The following KIF26B variants were observed in gnomAD, a reference collection of about 807,000 sequenced individuals.
The protein encoded by KIF26B is kinesin-like protein KIF26B.
A neutral mutation model predicts 151.2 loss-of-function variants in KIF26B; 63 were observed. That is an observed-to-expected ratio of 0.42 (90% confidence interval 0.34 to 0.51). KIF26B has a LOEUF of 0.51. Among genes scored for constraint, KIF26B ranks in the 20% least tolerant of loss-of-function variants. The pLI, the probability that KIF26B is intolerant of heterozygous loss-of-function variation, is 0.07. For synonymous variants in KIF26B, 1,357 were observed against 1,262.1 expected, an observed-to-expected ratio of 1.08 and a Z score of -1.59; for missense variants, 2,813 against 2,913.6, an observed-to-expected ratio of 0.97 and a Z score of 0.79.
chr1:245,190,046 C>T (rs1183433279), intron 2 of KIF26B, among the ~76,000 whole-genome samples: 4 of 150,914 alleles, frequency 2.7e-5, no homozygotes, highest in Admixed American at 2.6e-4. Flanking sequence ...TCCCACAACA[C>T]GTGGGAATTA....
intron 5 of KIF26B, among the ~76,000 whole-genome samples, chr1:245,577,215 C>T (rs994854084): frequency 2.0e-5 from 3 of 152,138 alleles, no homozygotes; most frequent in African/African-American, 7.2e-5. Flanking sequence ...ATGTTTGTGT[C>T]GTAGGGGGAT....
Position 245,278,258 on chromosome 1 carries a change from T to G in KIF26B, c.466-88576T>G, listed in dbSNP as rs12030450. Among the ~76,000 whole-genome samples, 385 of 152,296 alleles carry G rather than the reference T, an allele frequency of 2.5e-3. 15 individuals are homozygous for G. The East Asian group carries it at 0.051, about 20-fold the overall frequency. Reference sequence around the variant, plus strand: ...TTCCCATGTGTCATCAGCGTCCTCTTTCTCCTGTTTCAGTCAGCAGGACTC... The same window carrying G: ...TTCCCATGTGTCATCAGCGTCCTCTGTCTCCTGTTTCAGTCAGCAGGACTC... On this transcript the variant is annotated intron_variant, in intron 2 of 14. Coordinates refer to ENST00000407071, the MANE Select transcript of KIF26B (RefSeq NM_018012.4).
At chr1:245,650,349 T>C (rs1300509668) in intron 10 of KIF26B, among the ~76,000 whole-genome samples, 4 of 152,246 alleles carry the variant, frequency 2.6e-5, no homozygotes, top group Non-Finnish European at 5.9e-5. Flanking sequence ...GGCAGAAGCG[T>C]TGAAATGACT....
intron 4 of KIF26B, among the ~76,000 whole-genome samples, chr1:245,523,251 T>G (rs561761017): frequency 6.6e-6 from 1 of 152,348 alleles, no homozygotes; most frequent in East Asian, 1.9e-4. Flanking sequence ...TATTACTAAA[T>G]AAATGCTTGC....
chr1:245,351,617 C>T (rs1672570805), intron 2 of KIF26B, among the ~76,000 whole-genome samples: 1 of 152,164 alleles, frequency 6.6e-6, no homozygotes, highest in Admixed American at 6.5e-5. Flanking sequence ...TAAGTGTTAT[C>T]CCAGTCTTAC....
chr1:245,232,459 C>A (rs1271615557), intron 2 of KIF26B, among the ~76,000 whole-genome samples: 1 of 151,648 alleles, frequency 6.6e-6, no homozygotes, highest in East Asian at 1.9e-4. Flanking sequence ...ATTATGACTT[C>A]ATTATTTATG....
chr1:245,483,008 G>A (rs558787841), intron 4 of KIF26B, among the ~76,000 whole-genome samples: 2 of 151,862 alleles, frequency 1.3e-5, no homozygotes, highest in Admixed American at 6.6e-5. Flanking sequence ...CAGGTGTGAG[G>A]AGGCCCAGGC....
chr1:245,680,192 G>C (rs2044414782), intron 10 of KIF26B, among the ~76,000 whole-genome samples: 1 of 151,928 alleles, frequency 6.6e-6, no homozygotes, highest in Non-Finnish European at 1.5e-5. Flanking sequence ...TCCCTCCCCT[G>C]CCCTCCCTTA....
chr1:245,290,382 G>A (rs1573755951), intron 2 of KIF26B, among the ~76,000 whole-genome samples: 2 of 152,196 alleles, frequency 1.3e-5, no homozygotes, highest in South Asian at 4.1e-4. Context: ...GAGAAGTAAA[G>A]AAACAAAAGT....
rs112598138 is a variant in KIF26B, at chr1:245,413,578, G to A, written c.1000-6001G>A. On this transcript the variant is annotated intron_variant, in intron 3 of 14. Transcript: ENST00000407071. ...CTCAGGAGGCTGAGGCGGGAGAATC[G>A]CTTGAACCCGGAAGGCGGAGGTTGC... 9.7e-3 allele frequency among the ~76,000 whole-genome samples: 1,477 copies of A among 152,288 alleles called. 29 individuals carry two copies. Among genetic ancestry groups the A allele is most frequent in the African/African-American group, 0.032 (1,334 of 41,554 alleles).
intron 4 of KIF26B, among the ~76,000 whole-genome samples, chr1:245,485,856 G>T (rs1248423541): frequency 6.6e-6 from 1 of 152,226 alleles, no homozygotes; most frequent in Non-Finnish European, 1.5e-5. Flanking sequence ...ATTTTCTCCA[G>T]AGCTGTGATG....
intron 5 of KIF26B, among the ~76,000 whole-genome samples, chr1:245,567,451 A>G (rs1201076872): frequency 6.6e-6 from 1 of 152,072 alleles, no homozygotes. Flanking sequence ...TCCCCTTCCG[A>G]GCACCCTTCA....
chr1:245,442,803 C>T (rs1659143681), intron 4 of KIF26B, among the ~76,000 whole-genome samples: 1 of 118,754 alleles, frequency 8.4e-6, no homozygotes, highest in African/African-American at 3.2e-5. Context: ...TCATCTCCCT[C>T]ACTGTTCACC....
Position 245,366,930 on chromosome 1 carries a change from G to A in KIF26B, c.562G>A (p.Ala188Thr), listed in dbSNP as rs1280577981. 8.7e-6 allele frequency: 14 copies of A among 1,613,906 alleles called. No homozygotes were observed. Among genetic ancestry groups the A allele is most frequent in the Admixed American group, 3.3e-5 (2 of 60,010 alleles). The change falls in exon 3 of 15, where the codon GCC (alanine) becomes ACC (threonine). Residue 188 changes from alanine (A) to threonine (T), a missense_variant. Coordinates refer to ENST00000407071, the MANE Select transcript of KIF26B (RefSeq NM_018012.4). ...CCGGGACAACCGCTGTGACATTTGCGCCACTCACCTGAACCAGTTGAAGCA... is the reference window on the plus strand; with the variant it reads ...CCGGGACAACCGCTGTGACATTTGCACCACTCACCTGAACCAGTTGAAGCA... ...NDRDNRCDICATHLNQLKQEA... is the reference protein window; with the variant it reads ...NDRDNRCDICTTHLNQLKQEA...
At position 245,690,622 on chromosome 1, in the gene KIF26B, T is replaced by C. The variant is rs543219583; in HGVS notation, c.5824+1815T>C. The stretch of plus-strand genomic sequence containing the variant: ...GTTATGCAGATGTAGTTTTATGATA[T>C]AGACAGCCCCATCCGCTCCCCTCAT... On this transcript the variant is annotated intron_variant, in intron 12 of 14. Coordinates refer to ENST00000407071, the MANE Select transcript of KIF26B (RefSeq NM_018012.4). 2.0e-5 allele frequency among the ~76,000 whole-genome samples: 3 copies of C among 152,318 alleles called. No homozygotes were observed. In the East Asian group the frequency reaches 5.8e-4, roughly 29 times the overall value.
At chr1:245,511,885 A>C (rs972302406) in intron 4 of KIF26B, among the ~76,000 whole-genome samples, 2 of 152,246 alleles carry the variant, frequency 1.3e-5, no homozygotes, top group African/African-American at 4.8e-5. Context: ...TCACAAGAGA[A>C]AGGAACGGCT....
intron 2 of KIF26B, among the ~76,000 whole-genome samples, chr1:245,351,030 C>T (rs970532884): frequency 3.3e-5 from 5 of 152,172 alleles, no homozygotes; most frequent in African/African-American, 1.2e-4. Flanking sequence ...TGTATTCTAA[C>T]AAGCATGGAA....
intron 2 of KIF26B, among the ~76,000 whole-genome samples, chr1:245,158,834 ATAAT>A (rs1668487310): frequency 9.7e-6 from 1 of 102,610 alleles, no homozygotes; most frequent in Non-Finnish European, 2.0e-5. Flanking sequence ...TTTGTGAATA[ATAAT>A]TGTGTGTGTG....
At chr1:245,673,385 TGCCATCTTAGGCCCAGTCCCCGCTGCGCG>T (rs1162798292) in intron 10 of KIF26B, among the ~76,000 whole-genome samples, 1 of 139,978 alleles carries the variant, frequency 7.1e-6, no homozygotes, top group African/African-American at 2.7e-5. Flanking sequence ...CGCTGCGCGC[TGCCATCTTAGGCCCAGTCCCCGCTGCGCG>T]CTGCCATCTT....
Sources: allele counts gnomAD v4.1 joint callset (sites outside exome capture counted in the v4.1 genomes callset), GRCh38; gene constraint gnomAD v4.1.1; transcripts MANE v1.5; gene names NCBI Gene and HGNC (gene_info 2026-07-23, HGNC 2026-07-21).